PEBP4: variants seen among roughly 807,000 people sequenced by gnomAD.
PEBP4 encodes the protein phosphatidylethanolamine-binding protein 4.
PEBP4 carries 22 observed loss-of-function variants against 23.9 expected under a neutral mutation model. The observed-to-expected ratio is 0.92, with a 90% CI of 0.66 to 1.31. The LOEUF (loss-of-function observed/expected upper bound fraction) is 1.31, where lower values mean the gene tolerates loss of function less well. Ranked by LOEUF, PEBP4 falls within the 40% of genes most tolerant of loss-of-function variation. PEBP4 has a pLI of 0.00. For missense variants in PEBP4, 324 were observed against 281.7 expected (o/e 1.15, Z -1.07); for synonymous variants, 112 against 99.3 (o/e 1.13, Z -0.76).
chr8:22,920,071 GACCCA>G (rs1809166761), intron 3 of PEBP4, 108 bp downstream of exon 3: 1 of 1,360,836 alleles, frequency 7.3e-7, no homozygotes, highest in African/African-American at 1.4e-5. Flanking sequence ...GCAGCCACCA[GACCCA>G]ACCCAGATGG....
chr8:22,761,270 C>A (rs919782232), intron 4 of PEBP4, among the ~76,000 whole-genome samples: 3 of 152,074 alleles, frequency 2.0e-5, no homozygotes, highest in South Asian at 2.1e-4. Context: ...GTGTGAACCC[C>A]TCTAGCCTTA....
intron 3 of PEBP4, among the ~76,000 whole-genome samples, chr8:22,837,067 A>T (rs1807219154): frequency 6.6e-6 from 1 of 152,194 alleles, no homozygotes; most frequent in Non-Finnish European, 1.5e-5. Context: ...CAAAGTATGA[A>T]TCATCTTTCG....
chr8:22,775,843 G>A lies in PEBP4; in HGVS notation c.357+41794C>T, dbSNP rs1197513301. Among the ~76,000 whole-genome samples the A allele has an allele frequency of 6.6e-6, 1 of 152,148 alleles. No homozygotes were observed. The highest frequency in any genetic ancestry group is 2.4e-5 in the African/African-American group (1 of 41,424). On this transcript the variant is annotated intron_variant, in intron 4 of 6. Transcript: ENST00000256404. This position sits in a 1 kb window ranked among gnomAD's most constrained non-coding sequence, Gnocchi z 4.8. ...CCGGAATCTCTGAGTGGGCAGGAAG[G>A]ATTGCCCGACTCCTTGGCTCTTGGG...
rs547565982 is a variant in PEBP4, at chr8:22,814,115, C to T, written c.357+3522G>A. Among the ~76,000 whole-genome samples the T allele has an allele frequency of 5.3e-5, 8 of 152,278 alleles. No individual in the cohort carries two copies. The South Asian group carries it at 1.7e-3, about 32-fold the overall frequency. On this transcript the variant is annotated intron_variant, in intron 4 of 6. Coordinates refer to ENST00000256404, the MANE Select transcript of PEBP4 (RefSeq NM_144962.3). Reference sequence around the variant, plus strand: ...TCTGAGCACTATCCTTAAAATAATTCGCTTAAGCTTCATAACAACAGTGTG... The same window carrying T: ...TCTGAGCACTATCCTTAAAATAATTTGCTTAAGCTTCATAACAACAGTGTG...
intron 4 of PEBP4, among the ~76,000 whole-genome samples, chr8:22,750,441 T>C (rs1805231036): frequency 6.6e-6 from 1 of 152,222 alleles, no homozygotes; most frequent in South Asian, 2.1e-4. Context: ...TTCATTTTCC[T>C]AGGGGCTTGG....
At chr8:22,915,496 C>G (rs980576564) in intron 3 of PEBP4, among the ~76,000 whole-genome samples, 1 of 152,076 alleles carries the variant, frequency 6.6e-6, no homozygotes, top group African/African-American at 2.4e-5. Context: ...CATGCTTGCC[C>G]GCTACCTGTC....
intron 3 of PEBP4, among the ~76,000 whole-genome samples, chr8:22,904,895 ATTTTC>A (rs1808781837): frequency 6.6e-6 from 1 of 152,124 alleles, no homozygotes; most frequent in South Asian, 2.1e-4. Context: ...ATTTAAGACG[ATTTTC>A]TTTTCTTTCC....
intron 3 of PEBP4, among the ~76,000 whole-genome samples, chr8:22,834,386 TTCAGGCTGGTG>T (rs1417661433): frequency 1.3e-5 from 2 of 152,188 alleles, no homozygotes; most frequent in Non-Finnish European, 2.9e-5. Flanking sequence ...GGGTTCGAAT[TTCAGGCTGGTG>T]TCCAGCAGCC....
chr8:22,851,101 C>G (rs1485590325), intron 3 of PEBP4, among the ~76,000 whole-genome samples: 1 of 152,210 alleles, frequency 6.6e-6, no homozygotes, highest in Non-Finnish European at 1.5e-5. Flanking sequence ...GGAAAGGCAG[C>G]CTCTTTGGGA....
chr8:22,765,115 T>TC (rs1563209117), intron 4 of PEBP4, among the ~76,000 whole-genome samples: 1 of 141,380 alleles, frequency 7.1e-6, no homozygotes, highest in African/African-American at 2.7e-5. Context: ...CTTCCTTTAT[T>TC]TCTTCCTTCC....
At chr8:22,767,368 C>A (rs892274613) in intron 4 of PEBP4, among the ~76,000 whole-genome samples, 1 of 152,092 alleles carries the variant, frequency 6.6e-6, no homozygotes, top group Non-Finnish European at 1.5e-5. Context: ...TTGAATAATC[C>A]CCCCCACCAA....
At chr8:22,732,284 C>A (rs987143782) in intron 4 of PEBP4, among the ~76,000 whole-genome samples, 4 of 152,088 alleles carry the variant, frequency 2.6e-5, no homozygotes, top group African/African-American at 9.7e-5. Context: ...TAGAAGGACC[C>A]TTAAATGCTC....
At chr8:22,725,947 G>A (rs1298392521) in intron 5 of PEBP4, among the ~76,000 whole-genome samples, 1 of 151,968 alleles carries the variant, frequency 6.6e-6, no homozygotes, top group South Asian at 2.1e-4. Flanking sequence ...AACAACCGGG[G>A]AATTCCTGAC....
chr8:22,748,087 C>G lies in PEBP4; in HGVS notation c.358-20867G>C, dbSNP rs112507430. Among the ~76,000 whole-genome samples, 1,367 of 152,316 alleles carry G rather than the reference C, an allele frequency of 9.0e-3. 24 individuals are homozygous for G. Among genetic ancestry groups the G allele is most frequent in the African/African-American group, 0.031 (1,271 of 41,558 alleles). ...TGGGGCACATCCACACGCATGTGCA[C>G]ACACGTGCAGGCACACACCCGGGCA... On this transcript the variant is annotated intron_variant, in intron 4 of 6. Transcript: ENST00000256404.
At chr8:22,752,231 TA>T (rs1404882371) in intron 4 of PEBP4, among the ~76,000 whole-genome samples, 1 of 152,168 alleles carries the variant, frequency 6.6e-6, no homozygotes. Context: ...TCTGTTACAT[TA>T]GGCTCAGGCT....
At chr8:22,880,489 C>T (rs1205115071) in intron 3 of PEBP4, 1 of 152,268 alleles carries the variant, frequency 6.6e-6, no homozygotes, top group Non-Finnish European at 1.5e-5. Context: ...CAGCTTTACA[C>T]TCGCATTGAC....
chr8:22,839,397 G>C (rs1807274435), intron 3 of PEBP4, among the ~76,000 whole-genome samples: 3 of 152,286 alleles, frequency 2.0e-5, no homozygotes, highest in East Asian at 1.9e-4. Flanking sequence ...TGGGGGAAAG[G>C]CTGGTGGATC....
chr8:22,713,305 G>A lies in PEBP4; in HGVS notation c.*65C>T. On this transcript the variant is annotated 3_prime_UTR_variant, in exon 7 of 7. Transcript: ENST00000256404. ...AGAAGGGGTTCTGTATCCAGAGGGG[G>A]TTCCATACCCACATCGTCGGTGGTG... 3 of 1,509,470 alleles carry A rather than the reference G, an allele frequency of 2.0e-6. No homozygotes were observed. Among genetic ancestry groups the A allele is most frequent in the Non-Finnish European group, 1.8e-6 (2 of 1,131,278 alleles). The allele number at this position is 1,509,470 out of a possible 1,614,324, so 93.5% of individuals were successfully genotyped here. A position where few individuals can be genotyped will look rare whatever the true frequency, so the allele number is the denominator to read the frequency against.
rs372025557 is a variant in PEBP4, at chr8:22,713,323, C to T, written c.*47G>A. On this transcript the variant is annotated 3_prime_UTR_variant, in exon 7 of 7. Transcript: ENST00000256404. ...AGAGGGGGTTCCATACCCACATCGT[C>T]GGTGGTGGGCAGTGTGGCCACATGC... is the stretch of plus-strand genomic sequence containing the variant. 1.6e-5 allele frequency: 25 copies of T among 1,522,234 alleles called. No homozygotes were observed. The highest frequency in any genetic ancestry group is 6.7e-5 in the Admixed American group (3 of 45,110). 94.3% of individuals were successfully genotyped at this position (1,522,234 alleles called of 1,614,324 possible).
Sources: gnomAD v4.1 joint callset for allele counts (sites outside exome capture counted in the v4.1 genomes callset) on GRCh38, gnomAD v4.1.1 for gene constraint, Gnocchi (gnomAD v3.1) non-coding constraint, MANE v1.5 for transcripts, NCBI Gene and HGNC (gene_info 2026-07-23, HGNC 2026-07-21) for gene names.